ZC2HC1A: variants seen among roughly 807,000 people sequenced by gnomAD.
ZC2HC1A encodes zinc finger C2HC-type containing 1A, also known as zinc finger C2HC domain-containing protein 1A.
Under a neutral mutation model 40.7 loss-of-function variants are expected in ZC2HC1A, and 28 were observed. That is an observed-to-expected ratio of 0.69 (90% CI 0.51 to 0.94). The LOEUF (loss-of-function observed/expected upper bound fraction) is 0.94, where lower values mean the gene tolerates loss of function less well. ZC2HC1A is among the 40% of genes least tolerant of loss of function. The pLI, the probability that ZC2HC1A is intolerant of heterozygous loss-of-function variation, is 0.00. For missense variants in ZC2HC1A, 389 were observed against 386.3 expected (o/e 1.01, Z -0.06); for synonymous variants, 129 against 129.2 (o/e 1.00, Z 0.01).
At chr8:78,679,187 G>C (rs1481492733) in intron 3 of ZC2HC1A, 1 of 152,136 alleles carries the variant, frequency 6.6e-6, no homozygotes, top group African/African-American at 2.4e-5. Flanking sequence ...GTTGTTCAGT[G>C]TCCAGATATA....
At chr8:78,697,020 G>A (rs942682419) in intron 5 of ZC2HC1A, among the ~76,000 whole-genome samples, 14 of 152,080 alleles carry the variant, frequency 9.2e-5, no homozygotes, top group African/African-American at 3.1e-4. Context: ...TTTTAGCAGT[G>A]GAGCATCTGA....
intron 7 of ZC2HC1A, among the ~76,000 whole-genome samples, chr8:78,703,300 G>T (rs1469408496): frequency 6.6e-6 from 1 of 152,182 alleles, no homozygotes. Flanking sequence ...ATTTGATCCA[G>T]TGCTGAGTTC....
chr8:78,680,485 G>T (rs1330824509), intron 3 of ZC2HC1A, among the ~76,000 whole-genome samples: 1 of 152,146 alleles, frequency 6.6e-6, no homozygotes, highest in Non-Finnish European at 1.5e-5. Context: ...ATCCTTGGGT[G>T]AGTCGTATGC....
At chr8:78,684,649 G>A (rs1809902755) in intron 3 of ZC2HC1A, among the ~76,000 whole-genome samples, 1 of 152,074 alleles carries the variant, frequency 6.6e-6, no homozygotes, top group Non-Finnish European at 1.5e-5. Flanking sequence ...ACAAACAACA[G>A]GAGTAAAGGG....
At chr8:78,693,517 G>A (rs866604329) in intron 5 of ZC2HC1A, among the ~76,000 whole-genome samples, 14 of 152,224 alleles carry the variant, frequency 9.2e-5, no homozygotes, top group Middle Eastern at 3.4e-3. Flanking sequence ...TCTTTTGGCC[G>A]CATAAATGTC....
At chr8:78,695,264 C>T (rs934790550) in intron 5 of ZC2HC1A, among the ~76,000 whole-genome samples, 1 of 152,028 alleles carries the variant, frequency 6.6e-6, no homozygotes, top group African/African-American at 2.4e-5. Flanking sequence ...AGTGGGAAGT[C>T]TTATATAGAG....
rs1033124760 is a variant in ZC2HC1A at position 78,718,841 on chromosome 8, TACAA to T, written c.*1354_*1357del. ...GAGAGCTTTGATCTTACTGTAAAGG[TACAA>T]ACAAATCTCTTATATAATTCCTAGC... On this transcript the variant is annotated 3_prime_UTR_variant, in exon 9 of 9. Coordinates refer to ENST00000263849, the MANE Select transcript of ZC2HC1A (RefSeq NM_016010.3). 2.0e-5 allele frequency: 3 copies of T among 151,780 alleles called. No individual in the cohort carries two copies. Among genetic ancestry groups the T allele is most frequent in the African/African-American group, 7.2e-5 (3 of 41,426 alleles). 9.4% of individuals were successfully genotyped at this position (151,780 alleles called of 1,614,324 possible). A position where few individuals can be genotyped will look rare whatever the true frequency, so the allele number is the denominator to read the frequency against.
rs145718191 is a variant in ZC2HC1A, at chr8:78,681,524, C to G, written c.210+2845C>G. ...TATTAATCAGAGAAGTAGATAATGT[C>G]ATTCTTTTTGTCAGAGTTTTGCTGC... On this transcript the variant is annotated intron_variant, in intron 3 of 8. Coordinates refer to ENST00000263849, the MANE Select transcript of ZC2HC1A (RefSeq NM_016010.3). 8.2e-3 allele frequency among the ~76,000 whole-genome samples: 1,255 copies of G among 152,184 alleles called. 19 individuals are homozygous for G. Among genetic ancestry groups the G allele is most frequent in the African/African-American group, 0.028 (1,163 of 41,528 alleles).
chr8:78,714,607 C>T (rs1039471129), intron 7 of ZC2HC1A, among the ~76,000 whole-genome samples: 1 of 152,156 alleles, frequency 6.6e-6, no homozygotes, highest in Non-Finnish European at 1.5e-5. Flanking sequence ...AGTTTTCTAA[C>T]CCTTCTTTGA....
chr8:78,717,220 C>A, intron 8 of ZC2HC1A, 108 bp from the exon 9 acceptor site: 3 of 990,908 alleles, frequency 3.0e-6, no homozygotes, highest in Non-Finnish European at 1.4e-6. Flanking sequence ...ATATTAAAAA[C>A]GAGATTAAGC....
At chr8:78,701,696 C>T (rs908983131) in intron 7 of ZC2HC1A, among the ~76,000 whole-genome samples, 16 of 152,148 alleles carry the variant, frequency 1.1e-4, no homozygotes, top group African/African-American at 2.4e-5. Flanking sequence ...GAGTTTTTAA[C>T]GTGAAGGGAT....
intron 7 of ZC2HC1A, among the ~76,000 whole-genome samples, chr8:78,708,066 C>T (rs1003940935): frequency 6.6e-6 from 1 of 152,108 alleles, no homozygotes; most frequent in Non-Finnish European, 1.5e-5. Context: ...ACAGAATTAT[C>T]ATCTGGTACC....
At chr8:78,693,173 A>G (rs1407206322) in intron 5 of ZC2HC1A, among the ~76,000 whole-genome samples, 1 of 152,122 alleles carries the variant, frequency 6.6e-6, no homozygotes, top group Non-Finnish European at 1.5e-5. Flanking sequence ...GCTATTGTGA[A>G]TAGTGCCGCA....
chr8:78,689,059 A>G (rs1335683050), intron 4 of ZC2HC1A, among the ~76,000 whole-genome samples, 163 bp from the exon 5 acceptor site: 1 of 149,200 alleles, frequency 6.7e-6, no homozygotes, highest in Non-Finnish European at 1.5e-5. Context: ...ACTCTTTACT[A>G]AGTTTAGACA....
chr8:78,695,096 G>A (rs552359106), intron 5 of ZC2HC1A, among the ~76,000 whole-genome samples: 6 of 152,244 alleles, frequency 3.9e-5, no homozygotes, highest in South Asian at 4.1e-4. Context: ...GCAAGATACC[G>A]AGGGGGAGGT....
At chr8:78,717,234 C>T in intron 8 of ZC2HC1A, 94 bp from the exon 9 acceptor site, 1 of 1,144,470 alleles carries the variant, frequency 8.7e-7, no homozygotes, top group Non-Finnish European at 1.2e-6. Flanking sequence ...ATTAAGCAGG[C>T]TAATTGTTAT....
At chr8:78,708,341 A>G (rs1810844291) in intron 7 of ZC2HC1A, among the ~76,000 whole-genome samples, 1 of 152,080 alleles carries the variant, frequency 6.6e-6, no homozygotes, top group African/African-American at 2.4e-5. Context: ...TTATTTTTAC[A>G]CTCAGAAAAA....
At chr8:78,699,971 G>A (rs1458145279) in intron 7 of ZC2HC1A, among the ~76,000 whole-genome samples, 1 of 152,020 alleles carries the variant, frequency 6.6e-6, no homozygotes, top group Admixed American at 6.6e-5. Flanking sequence ...ATTCTTCTGG[G>A]TATATACTCA....
chr8:78,703,722 T>A (rs1407427289), intron 7 of ZC2HC1A, among the ~76,000 whole-genome samples: 1 of 152,112 alleles, frequency 6.6e-6, no homozygotes, highest in Non-Finnish European at 1.5e-5. Flanking sequence ...GGATCGTGGT[T>A]CTTTATCAAA....
Sources: gnomAD v4.1 joint callset for allele counts (sites outside exome capture counted in the v4.1 genomes callset) on GRCh38, gnomAD v4.1.1 for gene constraint, MANE v1.5 for transcripts, NCBI Gene and HGNC (gene_info 2026-07-23, HGNC 2026-07-21) for gene names.